ZNF565: variants seen among roughly 807,000 people sequenced by gnomAD.
ZNF565 encodes zinc finger protein 565.
In ZNF565, 27 loss-of-function variants were observed where a neutral mutation model predicts 39.4. The ratio of observed to expected loss-of-function variants is 0.69; its 90% CI spans 0.51 to 0.95. The LOEUF (loss-of-function observed/expected upper bound fraction) is 0.95, where lower values mean the gene tolerates loss of function less well. ZNF565 is among the 40% of genes least tolerant of loss of function. ZNF565 has a pLI of 0.00. For synonymous variants in ZNF565, 185 were observed against 216.6 expected (o/e 0.85, Z 1.28); for missense variants, 524 against 621.1 (o/e 0.84, Z 1.66).
chr19:36,188,471 G>A (rs1975397284), intron 4 of ZNF565, among the ~76,000 whole-genome samples: 1 of 151,912 alleles, frequency 6.6e-6, no homozygotes, highest in Admixed American at 6.6e-5. Context: ...CAGCACTTTG[G>A]GAGGCTGAGG....
intron 4 of ZNF565, among the ~76,000 whole-genome samples, chr19:36,192,891 A>G (rs1341192361): frequency 6.6e-6 from 1 of 151,678 alleles, no homozygotes; most frequent in Non-Finnish European, 1.5e-5. Flanking sequence ...ATCTCGGTTT[A>G]CTGCAATCTC....
intron 4 of ZNF565, among the ~76,000 whole-genome samples, chr19:36,193,925 A>G (rs2145321961): frequency 6.6e-6 from 1 of 152,210 alleles, no homozygotes; most frequent in African/African-American, 2.4e-5. Context: ...ACAGAGTGAG[A>G]TCCTGTCTCT....
chr19:36,200,349 CA>C (rs1465522784), intron 2 of ZNF565, among the ~76,000 whole-genome samples: 6 of 151,922 alleles, frequency 3.9e-5, no homozygotes, highest in African/African-American at 1.2e-4. Flanking sequence ...AATATTTTAA[CA>C]ACAAATAAAC....
chr19:36,197,132 C>G (rs1453466962), intron 2 of ZNF565, among the ~76,000 whole-genome samples: 1 of 151,304 alleles, frequency 6.6e-6, no homozygotes, highest in Non-Finnish European at 1.5e-5. Flanking sequence ...ATTAGCCAGG[C>G]GTGGTAGTGC....
chr19:36,229,199 C>G (rs1186738122), intron 1 of ZNF565, among the ~76,000 whole-genome samples: 1 of 152,208 alleles, frequency 6.6e-6, no homozygotes, highest in Non-Finnish European at 1.5e-5. Context: ...CTTCTCTCAT[C>G]CTTTCTAGTG....
chr19:36,241,648 TG>T (rs1977802609), intron 1 of ZNF565, among the ~76,000 whole-genome samples: 1 of 150,940 alleles, frequency 6.6e-6, no homozygotes, highest in Non-Finnish European at 1.5e-5. Context: ...AAAAATTAGC[TG>T]GGCGTGGTAG....
At chr19:36,197,986 A>G (rs1487313048) in intron 2 of ZNF565, among the ~76,000 whole-genome samples, 2 of 151,984 alleles carry the variant, frequency 1.3e-5, no homozygotes, top group African/African-American at 4.8e-5. Flanking sequence ...CACTTCTACT[A>G]AAAATACAAA....
chr19:36,242,009 G>A (rs1977809790), intron 1 of ZNF565, among the ~76,000 whole-genome samples: 1 of 152,152 alleles, frequency 6.6e-6, no homozygotes, highest in South Asian at 2.1e-4. Flanking sequence ...GTATAAGCAG[G>A]AACAACAAAA....
rs548903056 is a variant in ZNF565, at chr19:36,232,609, CTTTTTTT to C, written c.55+12860_55+12866del. On this transcript the variant is annotated intron_variant, in intron 1 of 4. Transcript: ENST00000355114. ...ACTGATCAGTTCTTTTTTCTTTTTTCTTTTTTTTTTTTTTCCCGAGACATAGTCTCCC... is the reference window on the plus strand; with the variant it reads ...ACTGATCAGTTCTTTTTTCTTTTTTCTTTTTTTCCCGAGACATAGTCTCCC... 7.1e-5 allele frequency among the ~76,000 whole-genome samples: 10 copies of C among 140,084 alleles called. No homozygotes were observed. In the East Asian group the frequency reaches 1.6e-3, roughly 23 times the overall value. The allele number at this position is 140,084 out of a possible 152,430, so 91.9% of individuals were successfully genotyped here.
chr19:36,244,010 T>C (rs951696235), intron 1 of ZNF565, among the ~76,000 whole-genome samples: 4 of 152,146 alleles, frequency 2.6e-5, no homozygotes, highest in Non-Finnish European at 4.4e-5. Flanking sequence ...CCTTCCCTTT[T>C]TTCTGTTTTT....
chr19:36,204,018 C>G (rs951777164), intron 1 of ZNF565, among the ~76,000 whole-genome samples: 1 of 150,102 alleles, frequency 6.7e-6, no homozygotes, highest in African/African-American at 2.5e-5. Context: ...GGCACAATCT[C>G]GGATCACTGC....
chr19:36,230,299 G>A (rs1476905930), intron 1 of ZNF565, among the ~76,000 whole-genome samples: 1 of 152,170 alleles, frequency 6.6e-6, no homozygotes, highest in African/African-American at 2.4e-5. Flanking sequence ...ATATGTATTA[G>A]GTACTATTTC....
At chr19:36,230,840 C>T (rs1438698697) in intron 1 of ZNF565, among the ~76,000 whole-genome samples, 2 of 152,132 alleles carry the variant, frequency 1.3e-5, no homozygotes, top group African/African-American at 4.8e-5. Context: ...CTTGCTCTGT[C>T]ACCCAGGCTG....
upstream of ZNF565, among the ~76,000 whole-genome samples, chr19:36,216,697 C>G (rs777421456): frequency 6.6e-6 from 1 of 152,066 alleles, no homozygotes; most frequent in Non-Finnish European, 1.5e-5. Context: ...TATGGACAGG[C>G]TTTTCTCTTT....
chr19:36,236,278 C>T lies in ZNF565; in HGVS notation c.55+9198G>A, dbSNP rs1977641475. 4.9e-6 allele frequency: 4 copies of T among 823,172 alleles called. No homozygotes were observed. In the South Asian group the frequency reaches 8.8e-5, roughly 18 times the overall value. 51.0% of individuals were successfully genotyped at this position (823,172 alleles called of 1,614,324 possible). The stretch of plus-strand genomic sequence containing the variant: ...GAATATACTGAGTATGATAACATTT[C>T]CTCTCAAACCTTATCCCTTACTCTG... On this transcript the variant is annotated intron_variant, in intron 1 of 4. Transcript: ENST00000355114.
chr19:36,243,721 A>G (rs942826924), intron 1 of ZNF565, among the ~76,000 whole-genome samples: 4 of 151,744 alleles, frequency 2.6e-5, no homozygotes, highest in Admixed American at 2.6e-4. Context: ...TTTAATTGAG[A>G]CAGGGTCTTG....
chr19:36,208,596 C>T (rs923700325), intron 1 of ZNF565, among the ~76,000 whole-genome samples: 3 of 152,218 alleles, frequency 2.0e-5, no homozygotes, highest in African/African-American at 7.2e-5. Context: ...TATCTCTACA[C>T]CACCTAGTAA....
chr19:36,236,419 A>G, intron 1 of ZNF565: 1 of 1,566,816 alleles, frequency 6.4e-7, no homozygotes, highest in Non-Finnish European at 8.6e-7. Flanking sequence ...AACCTTGTGA[A>G]TGTGGGAAAG....
chr19:36,193,585 C>T (rs1209109047), intron 4 of ZNF565, among the ~76,000 whole-genome samples: 1 of 151,404 alleles, frequency 6.6e-6, no homozygotes, highest in African/African-American at 2.4e-5. Flanking sequence ...GAACTACAGG[C>T]GCCTACCACC....
Sources: allele counts gnomAD v4.1 joint callset (sites outside exome capture counted in the v4.1 genomes callset), GRCh38; gene constraint gnomAD v4.1.1; transcripts MANE v1.5; gene names NCBI Gene and HGNC (gene_info 2026-07-23, HGNC 2026-07-21).